IKZF1: variants seen among roughly 807,000 people sequenced by gnomAD.
IKZF1 encodes IKAROS family zinc finger 1.
A neutral mutation model predicts 51.7 loss-of-function variants in IKZF1; 10 were observed. That is an observed-to-expected ratio of 0.19 (90% CI 0.12 to 0.33). The LOEUF (loss-of-function observed/expected upper bound fraction) is 0.33, where lower values mean the gene tolerates loss of function less well. Among genes scored for constraint, IKZF1 ranks in the 10% least tolerant of loss-of-function variants. The pLI, the probability that IKZF1 is intolerant of heterozygous loss-of-function variation, is 1.00. For synonymous variants in IKZF1, 280 were observed against 282.3 expected (o/e 0.99, Z 0.08); for missense variants, 484 against 707.5 (o/e 0.68, Z 3.58).
Position 50,404,636 on chromosome 7 carries a change from T to C in IKZF1, c.*4009T>C, listed in dbSNP as rs142158929. On this transcript the variant is annotated 3_prime_UTR_variant, in exon 8 of 8. Coordinates refer to ENST00000331340, the MANE Select transcript of IKZF1 (RefSeq NM_006060.6). ...GCAGTTCAGCACAACGTACCTCCCA[T>C]CTACAACAGTGCTGGACGTGGGAAT... is the stretch of plus-strand genomic sequence containing the variant. 18 of 230,100 alleles carry C rather than the reference T, an allele frequency of 7.8e-5. No homozygotes were observed. Among genetic ancestry groups the C allele is most frequent in the African/African-American group, 4.0e-4 (18 of 45,250 alleles). The allele number at this position is 230,100 out of a possible 1,614,324, so 14.3% of individuals were successfully genotyped here.
upstream of IKZF1, chr7:50,304,041 C>A (rs1382261406): frequency 6.9e-6 from 1 of 144,224 alleles, no homozygotes; most frequent in East Asian, 2.0e-4. Flanking sequence ...GCGCGGTGCG[C>A]GCGGGGGTGG....
At chr7:50,354,808 G>C (rs1034153003) in intron 3 of IKZF1, among the ~76,000 whole-genome samples, 1 of 152,062 alleles carries the variant, frequency 6.6e-6, no homozygotes, top group Non-Finnish European at 1.5e-5. Flanking sequence ...AGTGGTTAGT[G>C]CAGAAACTTA....
At chr7:50,365,263 C>G (rs1806539277) in intron 3 of IKZF1, among the ~76,000 whole-genome samples, 1 of 152,114 alleles carries the variant, frequency 6.6e-6, no homozygotes, top group African/African-American at 2.4e-5. Flanking sequence ...TTACTGAGCC[C>G]AGAAGTTTAT....
chr7:50,320,991 GA>G (rs1793112086), intron 2 of IKZF1, among the ~76,000 whole-genome samples: 1 of 152,176 alleles, frequency 6.6e-6, no homozygotes, highest in Admixed American at 6.5e-5. Context: ...AAATACATGT[GA>G]AAGTGAGAAT....
rs1223988730 is a variant in IKZF1, at chr7:50,376,844, G to A, written c.421+51G>A. On this transcript the variant is annotated intron_variant, in intron 4 of 7. Coordinates refer to ENST00000331340, the MANE Select transcript of IKZF1 (RefSeq NM_006060.6). This position sits in a 1 kb window ranked among gnomAD's most constrained non-coding sequence, Gnocchi z 4.5. Reference sequence around the variant, plus strand: ...TAGTGGCCTGGAGAAGGTGCATGGGGTTTGAAGGAGGAAAGCATCCTGTCT... The same window carrying A: ...TAGTGGCCTGGAGAAGGTGCATGGGATTTGAAGGAGGAAAGCATCCTGTCT... 2.5e-6 allele frequency: 4 copies of A among 1,596,420 alleles called. No homozygotes were observed. The highest frequency in any genetic ancestry group is 2.6e-6 in the Non-Finnish European group (3 of 1,169,804).
intron 4 of IKZF1, among the ~76,000 whole-genome samples, chr7:50,382,175 A>G (rs1812027097): frequency 6.6e-6 from 1 of 152,222 alleles, no homozygotes; most frequent in South Asian, 2.1e-4. Flanking sequence ...GAAAAAAGCC[A>G]CATTAAAAAA....
At position 50,400,993 on chromosome 7, in the gene IKZF1, G is replaced by A. The variant is rs528564912; in HGVS notation, c.*366G>A. On this transcript the variant is annotated 3_prime_UTR_variant, in exon 8 of 8. Coordinates refer to ENST00000331340, the MANE Select transcript of IKZF1 (RefSeq NM_006060.6). The surrounding 1 kb of genome is among the most constrained non-coding windows in gnomAD (Gnocchi z 5.4). Reference sequence around the variant, plus strand: ...AACACGCCACAGCCTGGGAAGGAGCGTGCTCTACCCTGTGCTAAGCACGGG... The same window carrying A: ...AACACGCCACAGCCTGGGAAGGAGCATGCTCTACCCTGTGCTAAGCACGGG... 4.5e-5 allele frequency: 18 copies of A among 399,014 alleles called. No homozygotes were observed. Among genetic ancestry groups the A allele is most frequent in the Non-Finnish European group, 6.9e-5 (15 of 217,518 alleles). 24.7% of individuals were successfully genotyped at this position (399,014 alleles called of 1,614,324 possible). A position where few individuals can be genotyped will look rare whatever the true frequency, so the allele number is the denominator to read the frequency against.
At position 50,311,761 on chromosome 7, in the gene IKZF1, C is replaced by T. The variant is rs147176453; in HGVS notation, c.-15+6839C>T. Among the ~76,000 whole-genome samples, 7 of 152,118 alleles carry T rather than the reference C, an allele frequency of 4.6e-5. No individual in the cohort carries two copies. The East Asian group carries it at 7.7e-4, about 17-fold the overall frequency. ...GTCCACCTGAAATGATTTACTTGTA[C>T]GTTAAGATAATTTAACTGCTAAGAA... On this transcript the variant is annotated intron_variant, in intron 1 of 7. Transcript: ENST00000331340.
At chr7:50,365,125 C>T (rs759364189) in intron 3 of IKZF1, among the ~76,000 whole-genome samples, 1 of 152,224 alleles carries the variant, frequency 6.6e-6, no homozygotes, top group Non-Finnish European at 1.5e-5. Context: ...CTACTACCCA[C>T]CTGGCATCCA....
chr7:50,399,625 A>G (rs1401901664), intron 7 of IKZF1, among the ~76,000 whole-genome samples: 1 of 152,196 alleles, frequency 6.6e-6, no homozygotes, highest in East Asian at 1.9e-4. Context: ...TGGTTCCCCT[A>G]TTTATGTATT....
chr7:50,401,520 T>G lies in IKZF1; in HGVS notation c.*893T>G, dbSNP rs1818127431. 4.5e-6 allele frequency: 1 copy of G among 224,314 alleles called. No homozygotes were observed. Among genetic ancestry groups the G allele is most frequent in the Admixed American group, 5.7e-5 (1 of 17,462 alleles). The allele number at this position is 224,314 out of a possible 1,614,324, so 13.9% of individuals were successfully genotyped here. The stretch of plus-strand genomic sequence containing the variant: ...ACCAGTCCCGAAATTTGGATCTTCT[T>G]TCTTTTTGAATCTCTCAAACGGCAA... On this transcript the variant is annotated 3_prime_UTR_variant, in exon 8 of 8. Coordinates refer to ENST00000331340, the MANE Select transcript of IKZF1 (RefSeq NM_006060.6).
intron 5 of IKZF1, 133 bp downstream of exon 5, chr7:50,382,840 T>A (rs982114456): frequency 4.4e-6 from 5 of 1,147,646 alleles, no homozygotes; most frequent in Non-Finnish European, 6.0e-6. Flanking sequence ...GCATCGGGTG[T>A]GAGCTGTTGC....
chr7:50,367,354 A>G (rs1807256104), intron 3 of IKZF1, among the ~76,000 whole-genome samples: 1 of 152,218 alleles, frequency 6.6e-6, no homozygotes, highest in Non-Finnish European at 1.5e-5. Flanking sequence ...GCACATGTGC[A>G]GAATCTACCA....
In IKZF1 at chr7:50,387,244, T is replaced by A. The variant is rs1022922515; in HGVS notation, c.590-101T>A. 20 of 1,414,620 alleles carry A rather than the reference T, an allele frequency of 1.4e-5. No homozygotes were observed. The Admixed American group carries it at 2.1e-4, about 15-fold the overall frequency. 87.6% of individuals were successfully genotyped at this position (1,414,620 alleles called of 1,614,324 possible). ...AGTTTTAGCTCTCAAGGGTAGAATT[T>A]TTTTTTTAACTTTTTTGGTAATAAT... On this transcript the variant is annotated intron_variant, in intron 5 of 7. Coordinates refer to ENST00000331340, the MANE Select transcript of IKZF1 (RefSeq NM_006060.6).
chr7:50,354,071 C>A (rs1284679194), intron 3 of IKZF1, among the ~76,000 whole-genome samples: 3 of 152,188 alleles, frequency 2.0e-5, no homozygotes, highest in African/African-American at 7.2e-5. Flanking sequence ...ATCTGTGACT[C>A]AGGATTTAAA....
intron 2 of IKZF1, among the ~76,000 whole-genome samples, chr7:50,320,210 A>G (rs1027724314): frequency 1.3e-5 from 2 of 152,178 alleles, no homozygotes; most frequent in Admixed American, 6.5e-5. Flanking sequence ...TCACATTTAT[A>G]TCTTAAATAT....
intron 5 of IKZF1, among the ~76,000 whole-genome samples, chr7:50,383,844 C>T (rs1038331354): frequency 2.6e-5 from 4 of 152,250 alleles, no homozygotes; most frequent in East Asian, 1.9e-4. Context: ...ATATCTGCAG[C>T]GGCCCAGGCC....
intron 1 of IKZF1, among the ~76,000 whole-genome samples, chr7:50,312,621 A>G (rs1162964731): frequency 6.6e-6 from 1 of 152,198 alleles, no homozygotes; most frequent in African/African-American, 2.4e-5. Flanking sequence ...TTCCCTCTGT[A>G]TCAAATACCT....
chr7:50,345,340 G>C (rs1433979340), intron 3 of IKZF1, among the ~76,000 whole-genome samples: 1 of 152,160 alleles, frequency 6.6e-6, no homozygotes, highest in Non-Finnish European at 1.5e-5. Context: ...AGCACAAACT[G>C]AATCAGTTAC....
Sources: allele counts gnomAD v4.1 joint callset (sites outside exome capture counted in the v4.1 genomes callset), GRCh38; gene constraint gnomAD v4.1.1; non-coding constraint Gnocchi (gnomAD v3.1); transcripts MANE v1.5; gene names NCBI Gene and HGNC (gene_info 2026-07-23, HGNC 2026-07-21).